Variants in SYNRG observed in about 807,000 individuals in gnomAD.
SYNRG encodes synergin gamma, also known as AP1 gamma subunit binding protein 1.
SYNRG carries 37 observed loss-of-function variants against 130.9 expected under a neutral mutation model. The ratio of observed to expected loss-of-function variants is 0.28; its 90% CI spans 0.22 to 0.37. The LOEUF (loss-of-function observed/expected upper bound fraction) is 0.37, where lower values mean the gene tolerates loss of function less well. Ranked by LOEUF, SYNRG falls within the 10% of genes least tolerant of loss-of-function variation. The probability of loss-of-function intolerance (pLI) is 1.00; values close to 1 mark genes in which losing one functional copy is unlikely to be tolerated. For synonymous variants in SYNRG, 539 were observed against 568.1 expected, an observed-to-expected ratio of 0.95 and a Z score of 0.73; for missense variants, 1,338 against 1,588.9, an observed-to-expected ratio of 0.84 and a Z score of 2.68.
intron 1 of SYNRG, chr17:37,600,654 T>C (rs2147026014): frequency 3.3e-6 from 2 of 599,020 alleles, no homozygotes; most frequent in East Asian, 3.0e-5. Context: ...TCACTTCGTG[T>C]CCTCTCTGGA....
intron 14 of SYNRG, among the ~76,000 whole-genome samples, chr17:37,551,336 C>T (rs1213349264): frequency 6.6e-6 from 1 of 152,162 alleles, no homozygotes; most frequent in Non-Finnish European, 1.5e-5. Context: ...CTTTTAACAA[C>T]CGCTCTAAAG....
intron 19 of SYNRG, among the ~76,000 whole-genome samples, chr17:37,522,577 C>T (rs1296602439): frequency 2.0e-5 from 3 of 151,886 alleles, no homozygotes; most frequent in Admixed American, 6.6e-5. Flanking sequence ...AAGCAATCCT[C>T]CCGCCTCAGC....
intron 3 of SYNRG, among the ~76,000 whole-genome samples, chr17:37,593,761 G>T (rs186792525): frequency 6.6e-6 from 1 of 151,776 alleles, no homozygotes; most frequent in Non-Finnish European, 1.5e-5. Context: ...GCACATGCCT[G>T]TAATACCAGC....
At position 37,520,589 on chromosome 17, in the gene SYNRG, A is replaced by G; in HGVS notation, c.3726T>C (p.Ala1242=). The change falls in exon 20 of 22, where the codon GCT becomes GCC. Residue 1242 remains alanine (A), a synonymous_variant. Coordinates refer to ENST00000612223, the MANE Select transcript of SYNRG (RefSeq NM_007247.6). The stretch of plus-strand genomic sequence containing the variant: ...GGCACACTCCACAGGCAAGCTCCTG[A>G]GCATTTTTAATCCCAGGCCGTAACA... ...SCMLRPGIKN[A]QELACGVCLL... is the part of the protein sequence containing the mutation. The G allele has an allele frequency of 1.2e-6, 2 of 1,614,200 alleles. No homozygotes were observed. Among genetic ancestry groups the G allele is most frequent in the Non-Finnish European group, 8.5e-7 (1 of 1,180,040 alleles).
At chr17:37,575,750 G>A (rs2146164302) in intron 8 of SYNRG, among the ~76,000 whole-genome samples, 1 of 151,368 alleles carries the variant, frequency 6.6e-6, no homozygotes, top group South Asian at 2.1e-4. Flanking sequence ...GCTGAGGTGG[G>A]AGGATTGCCT....
At chr17:37,584,801 T>TCA (rs1448942246) in intron 5 of SYNRG, 42 bp from the exon 6 acceptor site, 1 of 1,482,620 alleles carries the variant, frequency 6.7e-7, no homozygotes. Context: ...TACTTATCCC[T>TCA]CACTGTATCC....
chr17:37,576,385 T>C lies in SYNRG; in HGVS notation c.857A>G (p.Gln286Arg). 1.2e-6 allele frequency: 2 copies of C among 1,613,980 alleles called. No homozygotes were observed. The highest frequency in any genetic ancestry group is 2.2e-5 in the South Asian group (2 of 91,068). Residue 286 changes from glutamine to arginine, a missense_variant, in exon 8 of 22, where the codon CAG becomes CGG. This residue lies in a region of SYNRG where 1,146 missense variants were observed against 1,342.3 expected (regional missense o/e 0.85). Coordinates refer to ENST00000612223, the MANE Select transcript of SYNRG (RefSeq NM_007247.6). Reference protein sequence around the residue: ...VGVFPSQDPAQPRMPPWIYNE... With the variant: ...VGVFPSQDPARPRMPPWIYNE... ...GTAAATCCAAGGAGGCATTCTGGGCTGAGCAGGATCCTGTGAGGGAAATAC... is the reference window on the plus strand; with the variant it reads ...GTAAATCCAAGGAGGCATTCTGGGCCGAGCAGGATCCTGTGAGGGAAATAC...
At chr17:37,600,999 T>C (rs923756287) in intron 1 of SYNRG, 2 of 154,086 alleles carry the variant, frequency 1.3e-5, no homozygotes, top group Admixed American at 6.5e-5. Flanking sequence ...GAAATGAATG[T>C]AGGTTAAATG....
rs2054436270 is a variant in SYNRG, at chr17:37,516,502, G to A, written c.*2438C>T. The A allele has an allele frequency of 6.6e-6, 1 of 152,054 alleles. No homozygotes were observed. The highest frequency in any genetic ancestry group is 2.1e-4 in the South Asian group (1 of 4,816). The allele number at this position is 152,054 out of a possible 1,614,324, so 9.4% of individuals were successfully genotyped here. A position where few individuals can be genotyped will look rare whatever the true frequency, so the allele number is the denominator to read the frequency against. On this transcript the variant is annotated 3_prime_UTR_variant, in exon 22 of 22. Transcript: ENST00000612223. Reference sequence around the variant, plus strand: ...TAAGGAAAATGGGGATTATACTAAGGAATTTTATCTGAGGCATTCTGGAAT... The same window carrying A: ...TAAGGAAAATGGGGATTATACTAAGAAATTTTATCTGAGGCATTCTGGAAT...
intron 18 of SYNRG, chr17:37,536,872 C>G (rs2057240635): frequency 6.6e-6 from 1 of 152,246 alleles, no homozygotes; most frequent in African/African-American, 2.4e-5. Context: ...GTAACAGTCA[C>G]CAAAGACATG....
At chr17:37,566,507 C>T (rs925451910) in intron 11 of SYNRG, among the ~76,000 whole-genome samples, 1 of 147,126 alleles carries the variant, frequency 6.8e-6, no homozygotes, top group African/African-American at 2.5e-5. Flanking sequence ...CGGAAGGCCG[C>T]AGGGTCCTCT....
At chr17:37,535,138 T>C (rs190515247) in intron 19 of SYNRG, among the ~76,000 whole-genome samples, 76 of 152,172 alleles carry the variant, frequency 5.0e-4, no homozygotes, top group Non-Finnish European at 8.7e-4. Context: ...ATGAAATATA[T>C]AAGGTCAATA....
Position 37,518,918 on chromosome 17 carries a change from C to A in SYNRG, c.*22G>T. The A allele has an allele frequency of 5.0e-6, 8 of 1,602,444 alleles. No homozygotes were observed. Among genetic ancestry groups the A allele is most frequent in the Non-Finnish European group, 6.8e-6 (8 of 1,175,324 alleles). Reference sequence around the variant, plus strand: ...TGGGGTGTCACAGAAAAAAAAAAGTCAATGCTTCACAGAGGAGTTGTTCAG... The same window carrying A: ...TGGGGTGTCACAGAAAAAAAAAAGTAAATGCTTCACAGAGGAGTTGTTCAG... On this transcript the variant is annotated 3_prime_UTR_variant, in exon 22 of 22. Coordinates refer to ENST00000612223, the MANE Select transcript of SYNRG (RefSeq NM_007247.6).
rs895628602 is a variant in SYNRG at position 37,540,290 on chromosome 17, T to C, written c.3366+90A>G. On this transcript the variant is annotated intron_variant, in intron 16 of 21. Coordinates refer to ENST00000612223, the MANE Select transcript of SYNRG (RefSeq NM_007247.6). ...CTTTGTGTCTTTCTGCCCCTCATTT[T>C]CCCCATGTGAAAGCTGACAGCATTC... is the stretch of plus-strand genomic sequence containing the variant. 18 of 1,459,314 alleles carry C rather than the reference T, an allele frequency of 1.2e-5. No individual in the cohort carries two copies. The Admixed American group carries it at 3.0e-4, about 24-fold the overall frequency. The allele number at this position is 1,459,314 out of a possible 1,614,324, so 90.4% of individuals were successfully genotyped here. A position where few individuals can be genotyped will look rare whatever the true frequency, so the allele number is the denominator to read the frequency against.
chr17:37,520,190 G>A lies in SYNRG; in HGVS notation c.3802C>T (p.His1268Tyr), dbSNP rs759364684. The A allele has an allele frequency of 1.2e-6, 2 of 1,614,172 alleles. No homozygotes were observed. The highest frequency in any genetic ancestry group is 2.2e-5 in the East Asian group (1 of 44,886). Reference sequence around the variant, plus strand: ...TAACTGGTTCATACTTTTTTAGGATGTTCTTCTGCAGGCTTCTCTTCTTTC... The same window carrying A: ...TAACTGGTTCATACTTTTTTAGGATATTCTTCTGCAGGCTTCTCTTCTTTC... ...SRKEEKPAEE[H>Y]PKKAFNSETD... The change falls in exon 21 of 22, where the codon CAT becomes TAT. Residue 1268 changes from histidine to tyrosine, a missense_variant. Physicochemically the swap from His to Tyr is moderately conservative, Grantham distance 83. This residue lies in a region of SYNRG where 1,146 missense variants were observed against 1,342.3 expected (regional missense o/e 0.85). Coordinates refer to ENST00000612223, the MANE Select transcript of SYNRG (RefSeq NM_007247.6).
intron 6 of SYNRG, among the ~76,000 whole-genome samples, chr17:37,580,525 G>GAGAC (rs2061243165): frequency 1.3e-5 from 2 of 151,534 alleles, no homozygotes; most frequent in Non-Finnish European, 2.9e-5. Context: ...GAGAGAGAGA[G>GAGAC]AGAGAGAGAG....
chr17:37,594,854 C>T (rs2062618067), intron 3 of SYNRG, among the ~76,000 whole-genome samples: 1 of 152,156 alleles, frequency 6.6e-6, no homozygotes, highest in Non-Finnish European at 1.5e-5. Flanking sequence ...GGCCACATTA[C>T]TTTGGTGAGC....
chr17:37,578,288 G>A (rs372405065), intron 6 of SYNRG, among the ~76,000 whole-genome samples: 9 of 150,954 alleles, frequency 6.0e-5, no homozygotes, highest in African/African-American at 1.7e-4. Flanking sequence ...CTGAAATCAC[G>A]CCACTGCACT....
At chr17:37,533,917 T>C (rs2056913248) in intron 19 of SYNRG, among the ~76,000 whole-genome samples, 1 of 139,484 alleles carries the variant, frequency 7.2e-6, no homozygotes, top group Non-Finnish European at 1.5e-5. Context: ...CTAAACTTCA[T>C]TTTCTTTTCT....
Sources: allele counts gnomAD v4.1 joint callset (sites outside exome capture counted in the v4.1 genomes callset), GRCh38; gene constraint gnomAD v4.1.1; regional missense constraint gnomAD v4.1.1; transcripts MANE v1.5; gene names NCBI Gene and HGNC (gene_info 2026-07-23, HGNC 2026-07-21).